UBE3A: variants seen among roughly 807,000 people sequenced by gnomAD.
UBE3A encodes the protein ubiquitin protein ligase E3A.
In UBE3A, 6 loss-of-function variants were observed where a neutral mutation model predicts 83.4. The observed-to-expected ratio is 0.07, with a 90% confidence interval of 0.04 to 0.14. UBE3A has a LOEUF of 0.14. Among genes scored for constraint, UBE3A ranks in the 10% least tolerant of loss-of-function variants. The pLI, the probability that UBE3A is intolerant of heterozygous loss-of-function variation, is 1.00. For missense variants in UBE3A, 456 were observed against 1,036.1 expected, an observed-to-expected ratio of 0.44 and a Z score of 7.69; for synonymous variants, 337 against 355.4, an observed-to-expected ratio of 0.95 and a Z score of 0.58.
intron 11 of UBE3A, among the ~76,000 whole-genome samples, chr15:25,343,492 T>G (rs1434510739): frequency 6.6e-6 from 1 of 152,160 alleles, no homozygotes; most frequent in Non-Finnish European, 1.5e-5. Context: ...AGGCTAATTT[T>G]ATTATAAGGT....
At chr15:25,389,377 G>GA (rs1242010412) in intron 4 of UBE3A, among the ~76,000 whole-genome samples, 1 of 151,788 alleles carries the variant, frequency 6.6e-6, no homozygotes, top group South Asian at 2.1e-4. Context: ...GATAACATAA[G>GA]AAAAAATCTA....
intron 4 of UBE3A, among the ~76,000 whole-genome samples, chr15:25,399,288 G>A (rs571304743): frequency 4.9e-4 from 75 of 152,170 alleles, no homozygotes; most frequent in East Asian, 1.2e-3. Context: ...CCAAACCAAT[G>A]TCATGTACAT....
At chr15:25,388,438 G>C (rs894944561) in intron 4 of UBE3A, among the ~76,000 whole-genome samples, 6 of 152,076 alleles carry the variant, frequency 3.9e-5, no homozygotes, top group Non-Finnish European at 7.4e-5. Flanking sequence ...ATAGAAACTA[G>C]TAAACTAGGA....
intron 6 of UBE3A, among the ~76,000 whole-genome samples, chr15:25,362,190 T>C (rs1332938449): frequency 1.3e-5 from 2 of 152,236 alleles, no homozygotes; most frequent in African/African-American, 4.8e-5. Context: ...TCAAAGAGTT[T>C]GACAAAACTA....
At chr15:25,408,760 A>T (rs1325742084) in intron 3 of UBE3A, 37 of 1,194,002 alleles carry the variant, frequency 3.1e-5, no homozygotes, top group Non-Finnish European at 4.0e-5. Flanking sequence ...AACGTTCACC[A>T]CATAAAAGGC....
intron 1 of UBE3A, among the ~76,000 whole-genome samples, chr15:25,420,298 A>C (rs573066903): frequency 5.4e-4 from 82 of 152,182 alleles, no homozygotes; most frequent in Non-Finnish European, 9.7e-4. Context: ...AATCAAGGAG[A>C]TCTAACAGTC....
intron 5 of UBE3A, chr15:25,374,919 G>C (rs1425472554): frequency 1.3e-5 from 2 of 153,998 alleles, no homozygotes; most frequent in Non-Finnish European, 2.9e-5. Flanking sequence ...CAAAAGACCT[G>C]AGTGAAGACT....
At chr15:25,347,186 T>A (rs751786312) in intron 11 of UBE3A, 16 of 152,128 alleles carry the variant, frequency 1.1e-4, no homozygotes, top group Non-Finnish European at 2.4e-4. Context: ...CAACAGAGCA[T>A]CACTCCCTTG....
intron 11 of UBE3A, among the ~76,000 whole-genome samples, chr15:25,352,338 A>ATATC (rs1338039891): frequency 1.3e-5 from 2 of 152,224 alleles, no homozygotes; most frequent in African/African-American, 4.8e-5. Context: ...ACCAACCAAA[A>ATATC]TATCTATACA....
chr15:25,352,420 G>A (rs1227733801), intron 11 of UBE3A, among the ~76,000 whole-genome samples: 1 of 152,190 alleles, frequency 6.6e-6, no homozygotes, highest in Non-Finnish European at 1.5e-5. Flanking sequence ...AGTAAAGTGA[G>A]TCACACAAAT....
intron 11 of UBE3A, among the ~76,000 whole-genome samples, chr15:25,352,763 A>G (rs2076690428): frequency 6.6e-6 from 1 of 152,228 alleles, no homozygotes; most frequent in South Asian, 2.1e-4. Context: ...TCATATTTAT[A>G]TTGAGAAAAT....
At chr15:25,367,515 T>TG (rs2079528087) in intron 6 of UBE3A, among the ~76,000 whole-genome samples, 1 of 151,618 alleles carries the variant, frequency 6.6e-6, no homozygotes, top group Non-Finnish European at 1.5e-5. Flanking sequence ...ACGGGTAGGG[T>TG]GGGGGTGTTC....
intron 1 of UBE3A, chr15:25,418,957 T>A (rs1175123541): frequency 6.6e-6 from 1 of 152,160 alleles, no homozygotes; most frequent in Non-Finnish European, 1.5e-5. Flanking sequence ...GCATGGTATT[T>A]GCATATAACC....
At chr15:25,365,413 A>G (rs2078921295) in intron 6 of UBE3A, among the ~76,000 whole-genome samples, 1 of 152,200 alleles carries the variant, frequency 6.6e-6, no homozygotes, top group Non-Finnish European at 1.5e-5. Context: ...ATCAGATAAA[A>G]GAGACCTCTA....
At chr15:25,379,679 C>A (rs1213531601) in intron 4 of UBE3A, among the ~76,000 whole-genome samples, 1 of 152,090 alleles carries the variant, frequency 6.6e-6, no homozygotes, top group Non-Finnish European at 1.5e-5. Context: ...GAAAAGTATA[C>A]ACTAATAACG....
chr15:25,344,748 G>T (rs985846034), intron 11 of UBE3A, among the ~76,000 whole-genome samples: 1 of 152,088 alleles, frequency 6.6e-6, no homozygotes, highest in African/African-American at 2.4e-5. Context: ...TGTTTTTCAA[G>T]GTAATCAAAT....
chr15:25,348,051 A>C (rs1259185500), intron 11 of UBE3A, among the ~76,000 whole-genome samples: 4 of 152,126 alleles, frequency 2.6e-5, no homozygotes, highest in Non-Finnish European at 4.4e-5. Flanking sequence ...TTAAAAAAAA[A>C]CAAATGGTTA....
intron 4 of UBE3A, among the ~76,000 whole-genome samples, chr15:25,383,809 C>A (rs2082615208): frequency 6.6e-6 from 1 of 152,146 alleles, no homozygotes; most frequent in African/African-American, 2.4e-5. Flanking sequence ...TTCACCACTT[C>A]TATTCAACAT....
intron 1 of UBE3A, among the ~76,000 whole-genome samples, chr15:25,426,637 A>G (rs1398472585): frequency 6.6e-6 from 1 of 152,220 alleles, no homozygotes; most frequent in Non-Finnish European, 1.5e-5. Context: ...ACAAAAAACC[A>G]TTAGCTTCTA....
Sources: allele counts gnomAD v4.1 joint callset (sites outside exome capture counted in the v4.1 genomes callset), GRCh38; gene constraint gnomAD v4.1.1; transcripts MANE v1.5; gene names NCBI Gene and HGNC (gene_info 2026-07-23, HGNC 2026-07-21).